Variants in ZNF676 observed in about 807,000 individuals in gnomAD.
ZNF676 encodes zinc finger protein 676.
A neutral mutation model predicts 6.0 loss-of-function variants in ZNF676; 4 were observed. The ratio of observed to expected loss-of-function variants is 0.67; its 90% confidence interval spans 0.33 to 1.53. The LOEUF is 1.53. ZNF676 is among the 40% of genes most tolerant of loss of function. The pLI is 0.06. For synonymous variants in ZNF676, 198 were observed against 223.1 expected, an observed-to-expected ratio of 0.89 and a Z score of 1.00; for missense variants, 644 against 679.7, an observed-to-expected ratio of 0.95 and a Z score of 0.58.
At chr19:22,238,322 A>T in the ZNF676 span, among the ~76,000 whole-genome samples, 1 of 152,174 alleles carries the variant, frequency 6.6e-6, no homozygotes, top group African/African-American at 2.4e-5. Flanking sequence ...AAGTGCTGGG[A>T]TTACAGGTGT....
the ZNF676 span, among the ~76,000 whole-genome samples, chr19:22,253,896 T>TAAA: frequency 6.6e-6 from 1 of 152,140 alleles, no homozygotes; most frequent in African/African-American, 2.4e-5. Context: ...ATATAATATG[T>TAAA]AAAAAATAGT....
chr19:22,209,894 A>C (rs1343324378), intron 1 of ZNF676, among the ~76,000 whole-genome samples: 2 of 152,166 alleles, frequency 1.3e-5, no homozygotes, highest in African/African-American at 2.4e-5. Context: ...GGCCAAAAAA[A>C]CCACTAGGAT....
the ZNF676 span, among the ~76,000 whole-genome samples, chr19:22,245,777 CCTTGAT>C: frequency 1.3e-5 from 2 of 152,086 alleles, no homozygotes; most frequent in African/African-American, 2.4e-5. Flanking sequence ...AGTCACATTA[CCTTGAT>C]GTTGGACCCA....
the ZNF676 span, among the ~76,000 whole-genome samples, chr19:22,236,033 C>T: frequency 1.3e-5 from 2 of 151,216 alleles, no homozygotes; most frequent in East Asian, 3.9e-4. Flanking sequence ...TGTCTTCTGC[C>T]AAATGAAAGA....
chr19:22,234,960 AAGAGAAAGAAAGAAAGAAAG>A, the ZNF676 span, among the ~76,000 whole-genome samples: 1 of 123,140 alleles, frequency 8.1e-6, no homozygotes, highest in Non-Finnish European at 1.7e-5. Context: ...GAAAGAAAGC[AAGAGAAAGAAAGAAAGAAAG>A]AAAGAAAGAA....
intron 1 of ZNF676, among the ~76,000 whole-genome samples, chr19:22,202,202 A>G (rs995072682): frequency 4.6e-5 from 7 of 152,054 alleles, no homozygotes; most frequent in African/African-American, 1.7e-4. Context: ...AGGTCTACTC[A>G]ATGCACATAT....
intron 2 of ZNF676, 31 bp from the exon 3 acceptor site, chr19:22,181,617 T>A: frequency 6.9e-7 from 1 of 1,453,184 alleles, no homozygotes; most frequent in Non-Finnish European, 9.1e-7. Flanking sequence ...CAAATTAATC[T>A]ACATATTAGA....
chr19:22,242,293 A>G, the ZNF676 span, among the ~76,000 whole-genome samples: 1 of 151,942 alleles, frequency 6.6e-6, no homozygotes. Context: ...TAAAAGAAAC[A>G]TCACCTTAGT....
Position 22,210,158 on chromosome 19 carries a change from G to A in ZNF676, c.3+5474C>T, listed in dbSNP as rs375917541. 1.4e-4 allele frequency among the ~76,000 whole-genome samples: 21 copies of A among 152,260 alleles called. 1 individual carries two copies. Among genetic ancestry groups the A allele is most frequent in the South Asian group, 8.3e-4 (4 of 4,820 alleles). Reference sequence around the variant, plus strand: ...CAGAGCTTCCCATTCCCAGACACCCGGAGTTTCATTCTAGGCCAGGAGTCT... The same window carrying A: ...CAGAGCTTCCCATTCCCAGACACCCAGAGTTTCATTCTAGGCCAGGAGTCT... On this transcript the variant is annotated intron_variant, in intron 1 of 3. Coordinates refer to the ZNF676 transcript ENST00000650058.
the ZNF676 span, among the ~76,000 whole-genome samples, chr19:22,232,539 A>G: frequency 6.6e-6 from 1 of 152,300 alleles, no homozygotes; most frequent in East Asian, 1.9e-4. Flanking sequence ...AAGAGAACAG[A>G]GAACTTGAAG....
Position 22,180,451 on chromosome 19 carries a change from C to G in ZNF676, c.1266G>C (p.Lys422Asn). ...KRIHTGEKPY[K>N]CEECGKAFSW... ...TGAAGGCTTTGCCACATTCTTCACA[C>G]TTGTAGGGTTTCTCTCCAGTATGAA... is the stretch of plus-strand genomic sequence containing the variant. The change falls in exon 3 of 3, where the codon AAG becomes AAC. Residue 422 changes from lysine (K) to asparagine (N), a missense_variant. Lys to Asn is a moderately conservative substitution (Grantham distance 94). Around this residue, in one of 5 missense-constraint regions of ZNF676, gnomAD observed 306 missense variants for 265.4 expected, o/e 1.15. Transcript: ENST00000397121. 1 of 1,592,590 alleles carries G rather than the reference C, an allele frequency of 6.3e-7. No homozygotes were observed. The highest frequency in any genetic ancestry group is 1.5e-5 in the African/African-American group (1 of 68,662).
intron 1 of ZNF676, among the ~76,000 whole-genome samples, chr19:22,205,286 C>CAGG (rs2024065654): frequency 6.6e-6 from 1 of 152,138 alleles, no homozygotes; most frequent in Non-Finnish European, 1.5e-5. Flanking sequence ...CTGAACTCAA[C>CAGG]ACCTGACCAA....
the ZNF676 span, among the ~76,000 whole-genome samples, chr19:22,253,368 G>GTATATA: frequency 1.9e-4 from 11 of 59,126 alleles, no homozygotes; most frequent in East Asian, 1.3e-3. Flanking sequence ...GTGTGTGTGT[G>GTATATA]TGTGTATATA....
the ZNF676 span, among the ~76,000 whole-genome samples, chr19:22,235,019 AGAAAGAAAG>A: frequency 2.6e-5 from 2 of 76,032 alleles, 1 homozygote; most frequent in South Asian, 9.3e-4. Flanking sequence ...AAAGAAAGAA[AGAAAGAAAG>A]AAAGAAAAGA....
upstream of ZNF676, among the ~76,000 whole-genome samples, chr19:22,197,176 G>C (rs2023976063): frequency 6.6e-6 from 1 of 151,970 alleles, no homozygotes. Context: ...CACAAAATTA[G>C]CCATGCATGG....
chr19:22,253,404 G>GTGTGTATA, the ZNF676 span, among the ~76,000 whole-genome samples: 2 of 97,042 alleles, frequency 2.1e-5, no homozygotes, highest in African/African-American at 8.6e-5. Context: ...ATGATAATGT[G>GTGTGTATA]TATATATATA....
upstream of ZNF676, among the ~76,000 whole-genome samples, chr19:22,220,244 A>G (rs928739246): frequency 1.3e-5 from 2 of 152,080 alleles, no homozygotes; most frequent in African/African-American, 4.8e-5. Context: ...AGATTTTTGC[A>G]TTTATGCTCA....
the ZNF676 span, among the ~76,000 whole-genome samples, chr19:22,240,897 A>T: frequency 1.3e-5 from 2 of 151,984 alleles, no homozygotes; most frequent in African/African-American, 4.8e-5. Context: ...ACATACATGG[A>T]TGATGGGCAC....
upstream of ZNF676, among the ~76,000 whole-genome samples, chr19:22,216,484 C>CA (rs1411695820): frequency 6.6e-6 from 1 of 151,846 alleles, no homozygotes; most frequent in Admixed American, 6.6e-5. Flanking sequence ...AACAAAACAA[C>CA]AAAAAAGCTA....
Sources: allele counts gnomAD v4.1 joint callset (sites outside exome capture counted in the v4.1 genomes callset), GRCh38; gene constraint gnomAD v4.1.1; regional missense constraint gnomAD v4.1.1; transcripts MANE v1.5; gene names NCBI Gene and HGNC (gene_info 2026-07-23, HGNC 2026-07-21).